Variants in FRMPD4 observed in about 807,000 individuals in gnomAD.
FRMPD4 encodes the protein FERM and PDZ domain containing 4, also known as FERM and PDZ domain-containing protein 4.
FRMPD4 carries 22 observed loss-of-function variants against 94.1 expected under a neutral mutation model. The observed-to-expected ratio is 0.23, with a 90% CI of 0.17 to 0.33. The LOEUF (loss-of-function observed/expected upper bound fraction) is 0.33, where lower values mean the gene tolerates loss of function less well. FRMPD4 is among the 10% of genes least tolerant of loss of function. The pLI, the probability that FRMPD4 is intolerant of heterozygous loss-of-function variation, is 1.00. For synonymous variants in FRMPD4, 631 were observed against 548.6 expected (o/e 1.15, Z -2.10); for missense variants, 1,111 against 1,339.9 (o/e 0.83, Z 2.67).
chrX:12,620,276 G>A (rs1168714989), intron 4 of FRMPD4, among the ~76,000 whole-genome samples: 1 of 112,490 alleles, frequency 8.9e-6, no homozygotes, highest in East Asian at 2.8e-4. Context: ...TCCAGCTCCA[G>A]CCCTGCACAG....
At chrX:12,063,241 T>C (rs1364972006) in intron 3 of FRMPD4, among the ~76,000 whole-genome samples, 1 of 111,153 alleles carries the variant, frequency 9.0e-6, no homozygotes, top group African/African-American at 3.3e-5. Context: ...TGGTGGTGTA[T>C]GCCTGTGGTC....
chrX:12,680,754 A>T (rs1309095172), intron 5 of FRMPD4, among the ~76,000 whole-genome samples: 1 of 111,596 alleles, frequency 9.0e-6, no homozygotes, highest in Non-Finnish European at 1.9e-5. Context: ...ATTGCATCGT[A>T]AATAAATACA....
rs959256271 is a variant in FRMPD4 at position 12,408,803 on chromosome X, C to G, written c.42-89877C>G. On this transcript the variant is annotated intron_variant, in intron 1 of 16. Transcript: ENST00000675598. ...ACAGATGTATCAGCAAGGACAAGAA[C>G]AAGGGCAGTTTGCAAGGGCTGACCT... Among the ~76,000 whole-genome samples, 3 of 112,056 alleles carry G rather than the reference C, an allele frequency of 2.7e-5. No homozygotes were observed. In the East Asian group the frequency reaches 8.5e-4, roughly 32 times the overall value.
At chrX:12,487,211 C>T (rs1225737199) in intron 1 of FRMPD4, among the ~76,000 whole-genome samples, 5 of 111,728 alleles carry the variant, frequency 4.5e-5, no homozygotes, top group African/African-American at 1.6e-4. Context: ...ATTTTCAGCT[C>T]ATACTCAACA....
At chrX:12,180,885 G>A (rs777711678) in intron 1 of FRMPD4, among the ~76,000 whole-genome samples, 2 of 112,426 alleles carry the variant, frequency 1.8e-5, no homozygotes, top group Non-Finnish European at 3.8e-5. Flanking sequence ...GGTAATCCCT[G>A]GTTTAAAGAG....
chrX:12,670,632 A>G (rs1054743554), intron 4 of FRMPD4, among the ~76,000 whole-genome samples: 2 of 112,334 alleles, frequency 1.8e-5, no homozygotes, highest in African/African-American at 6.5e-5. Context: ...AACCATAAAA[A>G]CCCTAGTAGA....
At chrX:12,332,060 AATATATAATTTATATT>A (rs1201231550) in intron 1 of FRMPD4, among the ~76,000 whole-genome samples, 1,009 of 73,836 alleles carry the variant, frequency 0.014, 68 homozygotes, top group Admixed American at 0.066. Context: ...AATTATATGT[AATATATAATTTATATT>A]ATATATAATT....
At chrX:12,544,676 G>C (rs1031481830) in intron 2 of FRMPD4, among the ~76,000 whole-genome samples, 3 of 111,093 alleles carry the variant, frequency 2.7e-5, no homozygotes, top group Admixed American at 9.6e-5. Flanking sequence ...ATGAAATTTG[G>C]GGTTTGCCTT....
At chrX:12,167,281 TC>T (rs2056137051) in intron 1 of FRMPD4, among the ~76,000 whole-genome samples, 1 of 112,113 alleles carries the variant, frequency 8.9e-6, no homozygotes, top group African/African-American at 3.2e-5. Flanking sequence ...TCAAAGAACA[TC>T]TTTGTTTCTG....
rs1478269492 is a variant in FRMPD4 at position 12,193,838 on chromosome X, G to GGAAGGAAGGAAGGAAGAAAAGA, written c.41+54826_41+54827insGAAGGAAGGAAGGAAGAAAAGA. Reference sequence around the variant, plus strand: ...AGGAAGGAAGGAAGGAGGGAAGGAAGAAAGAAAAGAAAGAAAAAGGAAGGA... The same window carrying GGAAGGAAGGAAGGAAGAAAAGA: ...AGGAAGGAAGGAAGGAGGGAAGGAAGGAAGGAAGGAAGGAAGAAAAGAAAAGAAAAGAAAGAAAAAGGAAGGA... On this transcript the variant is annotated intron_variant, in intron 1 of 16. Transcript: ENST00000675598. Among the ~76,000 whole-genome samples the GGAAGGAAGGAAGGAAGAAAAGA allele has an allele frequency of 5.2e-4, 31 of 59,941 alleles. 5 individuals are homozygous for GGAAGGAAGGAAGGAAGAAAAGA. The highest frequency in any genetic ancestry group is 5.0e-3 in the East Asian group (5 of 1,000). The allele number at this position is 59,941 out of a possible 115,157, so 52.1% of individuals were successfully genotyped here.
intron 2 of FRMPD4, among the ~76,000 whole-genome samples, chrX:12,512,915 G>C (rs2058058630): frequency 8.9e-6 from 1 of 111,962 alleles, no homozygotes; most frequent in African/African-American, 3.2e-5. Flanking sequence ...TTACCATTCT[G>C]ACTGGCATGA....
At chrX:12,156,787 G>A (rs1368058470) in intron 1 of FRMPD4, among the ~76,000 whole-genome samples, 1 of 111,885 alleles carries the variant, frequency 8.9e-6, no homozygotes, top group Non-Finnish European at 1.9e-5. Context: ...TGTTGTTCGG[G>A]TATCATGTTG....
chrX:12,249,596 A>G (rs2147807413), intron 1 of FRMPD4, among the ~76,000 whole-genome samples: 1 of 111,368 alleles, frequency 9.0e-6, no homozygotes, highest in East Asian at 2.8e-4. Flanking sequence ...AAACACCATC[A>G]TTATCATCCC....
chrX:12,202,013 T>C (rs2056636588), intron 1 of FRMPD4, among the ~76,000 whole-genome samples: 1 of 109,560 alleles, frequency 9.1e-6, no homozygotes, highest in African/African-American at 3.3e-5. Context: ...TTTTAACCTC[T>C]CATGCCATTG....
rs764994853 is a variant in FRMPD4 at position 12,017,050 on chromosome X, C to T, written c.95+139032C>T. Among the ~76,000 whole-genome samples, 4 of 112,147 alleles carry T rather than the reference C, an allele frequency of 3.6e-5. No individual in the cohort carries two copies. In the South Asian group the frequency reaches 1.5e-3, roughly 42 times the overall value. On this transcript the variant is annotated intron_variant, in intron 3 of 18. Coordinates refer to the FRMPD4 transcript ENST00000640291. ...TATCCTCCTGCTTCATGCTGATTGA[C>T]CTAGCTTTGGGCTCTTTACTTGCCC... is the stretch of plus-strand genomic sequence containing the variant.
intron 3 of FRMPD4, among the ~76,000 whole-genome samples, chrX:11,942,607 T>C (rs771701773): frequency 1.8e-5 from 2 of 111,965 alleles, no homozygotes; most frequent in East Asian, 5.5e-4. Flanking sequence ...GATTTTTGCC[T>C]GACAAAGGGG....
At chrX:12,207,028 A>G (rs764924537) in intron 1 of FRMPD4, among the ~76,000 whole-genome samples, 2 of 111,353 alleles carry the variant, frequency 1.8e-5, no homozygotes, top group East Asian at 5.6e-4. Context: ...ATTGGTTTGC[A>G]TTTTTTTGGT....
intron 3 of FRMPD4, among the ~76,000 whole-genome samples, chrX:11,942,228 CTTTTTTTTTTT>C (rs560019319): frequency 6.3e-5 from 5 of 79,163 alleles, no homozygotes; most frequent in African/African-American, 1.8e-4. Flanking sequence ...TTTTTCTTTC[CTTTTTTTTTTT>C]TTTTTTTTTG....
At chrX:12,626,950 G>C (rs895052841) in intron 4 of FRMPD4, among the ~76,000 whole-genome samples, 1 of 110,736 alleles carries the variant, frequency 9.0e-6, no homozygotes, top group African/African-American at 3.3e-5. Flanking sequence ...ATGTTAGATG[G>C]ACTTAGGTGC....
Sources: gnomAD v4.1 joint callset for allele counts (sites outside exome capture counted in the v4.1 genomes callset) on GRCh38, gnomAD v4.1.1 for gene constraint, MANE v1.5 for transcripts, NCBI Gene and HGNC (gene_info 2026-07-23, HGNC 2026-07-21) for gene names.